Variants in TTLL11 observed in about 807,000 individuals in gnomAD.
TTLL11 encodes tubulin polyglutamylase TTLL11.
In TTLL11, 42 loss-of-function variants were observed where a neutral mutation model predicts 51.7. That is an observed-to-expected ratio of 0.81 (90% confidence interval 0.64 to 1.05). The LOEUF is 1.05. Ranked by LOEUF, TTLL11 falls within the 50% of genes least tolerant of loss-of-function variation. The pLI is 0.00. For synonymous variants in TTLL11, 381 were observed against 383.5 expected (o/e 0.99, Z 0.08); for missense variants, 799 against 940.4 (o/e 0.85, Z 1.97).
chr9:122,017,103 T>C (rs528213226), intron 3 of TTLL11, among the ~76,000 whole-genome samples: 1 of 152,320 alleles, frequency 6.6e-6, no homozygotes, highest in Admixed American at 6.5e-5. Context: ...AGAAATAACC[T>C]ACAAAGTGTC....
intron 6 of TTLL11, among the ~76,000 whole-genome samples, chr9:121,911,163 A>G (rs1840100664): frequency 1.3e-5 from 2 of 152,180 alleles, no homozygotes; most frequent in African/African-American, 4.8e-5. Flanking sequence ...TGGGAGGCTG[A>G]GGTGGGCAGA....
rs184984795 is a variant in TTLL11, at chr9:121,967,885, C to G, written c.1481+6124G>C. 7.4e-4 allele frequency among the ~76,000 whole-genome samples: 112 copies of G among 152,188 alleles called. 1 individual carries two copies. Among genetic ancestry groups the G allele is most frequent in the Non-Finnish European group, 1.3e-3 (87 of 68,016 alleles). The stretch of plus-strand genomic sequence containing the variant: ...AAATATTATACTAAGTGAAAGAAGC[C>G]AATCACAAAAGACTGCATAGGGTAT... On this transcript the variant is annotated intron_variant, in intron 6 of 8. Transcript: ENST00000321582.
At chr9:121,855,889 C>T (rs1053219130) in intron 8 of TTLL11, among the ~76,000 whole-genome samples, 2 of 152,180 alleles carry the variant, frequency 1.3e-5, no homozygotes, top group African/African-American at 2.4e-5. Flanking sequence ...GCCTTGTATG[C>T]GTTCTATCTT....
At chr9:122,017,579 C>T (rs1227378088) in intron 3 of TTLL11, among the ~76,000 whole-genome samples, 1 of 151,578 alleles carries the variant, frequency 6.6e-6, no homozygotes, top group East Asian at 1.9e-4. Flanking sequence ...TCTCCTGCCT[C>T]AGCCTCCCGA....
intron 6 of TTLL11, among the ~76,000 whole-genome samples, chr9:121,973,751 A>C (rs1382847269): frequency 6.6e-6 from 1 of 152,122 alleles, no homozygotes; most frequent in Non-Finnish European, 1.5e-5. Context: ...AATAATAATA[A>C]AAAAAAGGAA....
chr9:122,069,985 A>C (rs1845687351), intron 1 of TTLL11, among the ~76,000 whole-genome samples: 1 of 150,410 alleles, frequency 6.6e-6, no homozygotes, highest in African/African-American at 2.4e-5. Flanking sequence ...CCAGGCATAG[A>C]GAATCACACA....
At position 121,989,894 on chromosome 9, in the gene TTLL11, G is replaced by C. The variant is rs1372834838; in HGVS notation, c.694-124C>G. ...AGATGATCCCTGCCGATCTGAGCAG[G>C]GGCTGAGCATCTTCCATGGAGATGA... On this transcript the variant is annotated intron_variant, in intron 3 of 8. Transcript: ENST00000321582. This position sits in a 1 kb window ranked among gnomAD's most constrained non-coding sequence, Gnocchi z 4.2. 1 of 1,491,236 alleles carries C rather than the reference G, an allele frequency of 6.7e-7. No individual in the cohort carries two copies. The highest frequency in any genetic ancestry group is 2.4e-5 in the Admixed American group (1 of 41,754). The allele number at this position is 1,491,236 out of a possible 1,614,324, so 92.4% of individuals were successfully genotyped here.
chr9:122,075,497 A>G (rs1845837922), intron 1 of TTLL11, among the ~76,000 whole-genome samples: 1 of 152,242 alleles, frequency 6.6e-6, no homozygotes, highest in African/African-American at 2.4e-5. Context: ...AGCTTATTAA[A>G]CTGTCACACA....
At chr9:122,047,508 G>A (rs1016810247) in intron 1 of TTLL11, among the ~76,000 whole-genome samples, 3 of 152,062 alleles carry the variant, frequency 2.0e-5, no homozygotes, top group Non-Finnish European at 4.4e-5. Flanking sequence ...CTGTGCTGGA[G>A]CATGCCCCCA....
At chr9:121,893,291 G>A (rs773356359) in intron 6 of TTLL11, among the ~76,000 whole-genome samples, 1 of 151,264 alleles carries the variant, frequency 6.6e-6, no homozygotes, top group African/African-American at 2.4e-5. Flanking sequence ...TAACATGTTG[G>A]TGTTTTATTT....
chr9:121,970,317 C>T (rs553236241), intron 6 of TTLL11, among the ~76,000 whole-genome samples: 57 of 152,284 alleles, frequency 3.7e-4, no homozygotes, highest in African/African-American at 1.3e-3. Context: ...TAGAATGCAG[C>T]TCCTATGGAT....
At chr9:121,891,747 T>C (rs1839241906) in intron 6 of TTLL11, among the ~76,000 whole-genome samples, 1 of 152,052 alleles carries the variant, frequency 6.6e-6, no homozygotes, top group African/African-American at 2.4e-5. Context: ...AGAGAGGTTG[T>C]CTAACTTGCT....
At chr9:122,088,500 C>T (rs1846183562) in intron 1 of TTLL11, among the ~76,000 whole-genome samples, 1 of 152,164 alleles carries the variant, frequency 6.6e-6, no homozygotes, top group African/African-American at 2.4e-5. Flanking sequence ...CCCTTACTAG[C>T]TATGTGGCCT....
Position 122,035,195 on chromosome 9 carries a change from G to A in TTLL11, c.560-3339C>T, listed in dbSNP as rs146541259. ...TGCAAGGGCTGGAATCCTCCTGTCT[G>A]TGACTTTCACCCAGTGTCTGGGGTC... On this transcript the variant is annotated intron_variant, in intron 2 of 8. Coordinates refer to ENST00000321582, the MANE Select transcript of TTLL11 (RefSeq NM_001139442.2). 4.6e-5 allele frequency among the ~76,000 whole-genome samples: 7 copies of A among 152,268 alleles called. No homozygotes were observed. In the East Asian group the frequency reaches 1.4e-3, roughly 29 times the overall value.
chr9:121,820,865 G>A lies in TTLL11; in HGVS notation c.*1722C>T, dbSNP rs866411881. ...TGTCACTCACTGAACACCCCAGAGT[G>A]GGCTCTGCAGGGCTCAGTTCCACGG... On this transcript the variant is annotated 3_prime_UTR_variant, in exon 9 of 9. Transcript: ENST00000321582. Among the ~76,000 whole-genome samples, 39 of 151,864 alleles carry A rather than the reference G, an allele frequency of 2.6e-4. No individual in the cohort carries two copies. Among genetic ancestry groups the A allele is most frequent in the Middle Eastern group, 6.8e-3 (2 of 294 alleles).
intron 8 of TTLL11, among the ~76,000 whole-genome samples, chr9:121,838,055 A>G (rs2119137807): frequency 6.6e-6 from 1 of 152,248 alleles, no homozygotes; most frequent in East Asian, 1.9e-4. Flanking sequence ...AATACCTTCA[A>G]TGAATCCATG....
intron 7 of TTLL11, among the ~76,000 whole-genome samples, chr9:121,869,289 T>C (rs1002483296): frequency 1.3e-5 from 2 of 152,218 alleles, no homozygotes; most frequent in East Asian, 3.8e-4. Flanking sequence ...ATAAAACTTC[T>C]TTGGAGACAA....
At chr9:121,844,852 G>A (rs1466663852) in intron 8 of TTLL11, among the ~76,000 whole-genome samples, 1 of 151,512 alleles carries the variant, frequency 6.6e-6, no homozygotes, top group Non-Finnish European at 1.5e-5. Context: ...CTGAAAAAAA[G>A]GAGACTATCC....
chr9:122,033,038 C>T (rs1260603918), intron 2 of TTLL11, among the ~76,000 whole-genome samples: 1 of 152,076 alleles, frequency 6.6e-6, no homozygotes, highest in African/African-American at 2.4e-5. Context: ...TAGGCTCAAG[C>T]CATCCACCTG....
Sources: allele counts gnomAD v4.1 joint callset (sites outside exome capture counted in the v4.1 genomes callset), GRCh38; gene constraint gnomAD v4.1.1; non-coding constraint Gnocchi (gnomAD v3.1); transcripts MANE v1.5; gene names NCBI Gene and HGNC (gene_info 2026-07-23, HGNC 2026-07-21).